The following ATRNL1 variants were observed in gnomAD, a reference collection of about 807,000 sequenced individuals.
ATRNL1 encodes the protein attractin-like protein 1.
A neutral mutation model predicts 182.7 loss-of-function variants in ATRNL1; 95 were observed. The observed-to-expected ratio is 0.52, with a 90% CI of 0.44 to 0.62. The LOEUF is 0.62. Ranked by LOEUF, ATRNL1 falls within the 20% of genes least tolerant of loss-of-function variation. The pLI is 0.00. For missense variants in ATRNL1, 1,471 were observed against 1,679.5 expected (o/e 0.88, Z 2.17); for synonymous variants, 576 against 568.3 (o/e 1.01, Z -0.19).
intron 5 of ATRNL1, among the ~76,000 whole-genome samples, chr10:115,151,252 G>C (rs1846213478): frequency 6.6e-6 from 1 of 152,142 alleles, no homozygotes; most frequent in Non-Finnish European, 1.5e-5. Context: ...TGGAATGGCT[G>C]GGTCAAATGG....
At position 115,160,111 on chromosome 10, in the gene ATRNL1, C is replaced by T. The variant is rs782330744; in HGVS notation, c.901C>T (p.Pro301Ser). 1 of 1,611,844 alleles carries T rather than the reference C, an allele frequency of 6.2e-7. No homozygotes were observed. The change falls in exon 6 of 29, where the codon CCT becomes TCT. Residue 301 changes from proline (P) to serine (S), a missense_variant. Transcript: ENST00000355044. ...WILPNVKPFS[P>S]SVGRASHKAV... ...TCTGCCAAACGTTAAACCCTTCAGT[C>T]CTTCTGTAGGTCGGGCTTCACATAA...
chr10:115,231,752 A>T (rs1347820468), intron 9 of ATRNL1, among the ~76,000 whole-genome samples: 3 of 152,148 alleles, frequency 2.0e-5, no homozygotes, highest in Non-Finnish European at 4.4e-5. Context: ...ATTTGAATAC[A>T]AATACAGGTA....
At chr10:115,368,717 T>C (rs1857215598) in intron 19 of ATRNL1, among the ~76,000 whole-genome samples, 1 of 116,442 alleles carries the variant, frequency 8.6e-6, no homozygotes, top group African/African-American at 5.9e-5. Flanking sequence ...TTCGATTCTA[T>C]TTTTTTTTTT....
At position 115,292,688 on chromosome 10, in the gene ATRNL1, A is replaced by G. The variant is rs1022908093; in HGVS notation, c.2415+6291A>G. Among the ~76,000 whole-genome samples, 9 of 151,892 alleles carry G rather than the reference A, an allele frequency of 5.9e-5. No homozygotes were observed. The East Asian group carries it at 7.7e-4, about 13-fold the overall frequency. On this transcript the variant is annotated intron_variant, in intron 15 of 28. Coordinates refer to ENST00000355044, the MANE Select transcript of ATRNL1 (RefSeq NM_207303.4). Reference sequence around the variant, plus strand: ...TGTTTTGAATGTTCCTCTTTTTACTAATGTCTAGTTTTATTCCATTGTGGT... The same window carrying G: ...TGTTTTGAATGTTCCTCTTTTTACTGATGTCTAGTTTTATTCCATTGTGGT...
chr10:115,930,357 C>T (rs1953357996), intron 28 of ATRNL1, among the ~76,000 whole-genome samples: 1 of 152,122 alleles, frequency 6.6e-6, no homozygotes, highest in Admixed American at 6.6e-5. Flanking sequence ...CAGGTCGGAT[C>T]ATAAGCCTCA....
intron 15 of ATRNL1, 141 bp from the exon 16 acceptor site, chr10:115,299,893 T>G: frequency 1.7e-6 from 1 of 579,464 alleles, no homozygotes; most frequent in South Asian, 2.5e-5. Flanking sequence ...TGTTAATTAT[T>G]CTTAGTACTA....
Position 115,160,024 on chromosome 10 carries a change from A to ATT in ATRNL1, c.830-7_830-6dup. On this transcript the variant is annotated splice_polypyrimidine_tract_variant and intron_variant, in intron 5 of 28. Transcript: ENST00000355044. ...TTTGTTTAATCTAGTGTGTTGTTTC[A>ATT]TTTTTTTTTTAATAGGTCCTGATTG... The ATT allele has an allele frequency of 1.5e-5, 21 of 1,389,480 alleles. No homozygotes were observed. Among genetic ancestry groups the ATT allele is most frequent in the South Asian group, 4.2e-5 (3 of 71,344 alleles). 86.1% of individuals were successfully genotyped at this position (1,389,480 alleles called of 1,614,324 possible).
At chr10:115,439,210 G>A (rs141149735) in intron 21 of ATRNL1, among the ~76,000 whole-genome samples, 13 of 152,022 alleles carry the variant, frequency 8.6e-5, no homozygotes, top group African/African-American at 2.6e-4. Context: ...ATGAGGAAGA[G>A]GAGGGGTTGG....
chr10:115,310,550 T>C lies in ATRNL1; in HGVS notation c.2819-4968T>C, dbSNP rs1193744857. Reference sequence around the variant, plus strand: ...GTTCAGGATTTTGATTTCTTCCTAATTTAAGCTAGGAGAGTTGTGTGTTTC... The same window carrying C: ...GTTCAGGATTTTGATTTCTTCCTAACTTAAGCTAGGAGAGTTGTGTGTTTC... On this transcript the variant is annotated intron_variant, in intron 17 of 28. Transcript: ENST00000355044. Among the ~76,000 whole-genome samples, 7 of 152,168 alleles carry C rather than the reference T, an allele frequency of 4.6e-5. No homozygotes were observed. The East Asian group carries it at 1.3e-3, about 29-fold the overall frequency.
At chr10:115,941,517 A>AT (rs1953730311) in intron 28 of ATRNL1, among the ~76,000 whole-genome samples, 1 of 152,170 alleles carries the variant, frequency 6.6e-6, no homozygotes, top group African/African-American at 2.4e-5. Flanking sequence ...GGAAAGTATT[A>AT]TTTTTTCAGA....
At chr10:115,357,798 T>G (rs1856566049) in intron 19 of ATRNL1, among the ~76,000 whole-genome samples, 1 of 151,740 alleles carries the variant, frequency 6.6e-6, no homozygotes, top group Admixed American at 6.6e-5. Flanking sequence ...CAATTTAAAA[T>G]TTTTAACTTT....
At chr10:115,422,948 T>C (rs1423438076) in intron 20 of ATRNL1, among the ~76,000 whole-genome samples, 3 of 152,202 alleles carry the variant, frequency 2.0e-5, no homozygotes, top group Non-Finnish European at 2.9e-5. Context: ...GGTGAAATTA[T>C]CTGTACCCCA....
In ATRNL1 at chr10:115,893,963, C is replaced by T. The variant is rs562211617; in HGVS notation, c.4018+45972C>T. 2.7e-5 allele frequency among the ~76,000 whole-genome samples: 4 copies of T among 149,770 alleles called. No individual in the cohort carries two copies. The South Asian group carries it at 8.5e-4, about 32-fold the overall frequency. On this transcript the variant is annotated intron_variant, in intron 28 of 28. Transcript: ENST00000355044. The stretch of plus-strand genomic sequence containing the variant: ...TCACAACTTGATATTCAAGAATGGA[C>T]CAAAAAAAAAAAATCTTAGGAAAGA...
chr10:115,359,915 A>G (rs1856660479), intron 19 of ATRNL1, among the ~76,000 whole-genome samples: 1 of 151,560 alleles, frequency 6.6e-6, no homozygotes, highest in Non-Finnish European at 1.5e-5. Context: ...TAACATATGT[A>G]TTTTATGTGA....
At chr10:115,639,150 A>G (rs1555029320) in intron 26 of ATRNL1, among the ~76,000 whole-genome samples, 1 of 152,174 alleles carries the variant, frequency 6.6e-6, no homozygotes, top group Non-Finnish European at 1.5e-5. Context: ...CTTAAAAGCA[A>G]CCAGAAACAA....
intron 26 of ATRNL1, among the ~76,000 whole-genome samples, chr10:115,638,078 T>A (rs1555028920): frequency 6.6e-6 from 1 of 152,194 alleles, no homozygotes; most frequent in Non-Finnish European, 1.5e-5. Flanking sequence ...CACTCACTAC[T>A]CACTCACTGA....
intron 7 of ATRNL1, among the ~76,000 whole-genome samples, chr10:115,169,206 C>CTT (rs781950574): frequency 1.4e-4 from 18 of 125,938 alleles, no homozygotes; most frequent in South Asian, 5.2e-4. Context: ...GTTTTGATTA[C>CTT]TTTTTTTTTT....
chr10:115,498,008 A>C (rs1849638382), intron 24 of ATRNL1, among the ~76,000 whole-genome samples: 1 of 152,184 alleles, frequency 6.6e-6, no homozygotes, highest in Non-Finnish European at 1.5e-5. Flanking sequence ...GAGTGAGTGA[A>C]AACTCATTAG....
chr10:115,460,177 T>C (rs782578985), intron 21 of ATRNL1, among the ~76,000 whole-genome samples: 3 of 152,174 alleles, frequency 2.0e-5, no homozygotes, highest in Non-Finnish European at 4.4e-5. Context: ...CTTGTCTATC[T>C]ACGAAGACAA....
Sources: allele counts gnomAD v4.1 joint callset (sites outside exome capture counted in the v4.1 genomes callset), GRCh38; gene constraint gnomAD v4.1.1; transcripts MANE v1.5; gene names NCBI Gene and HGNC (gene_info 2026-07-23, HGNC 2026-07-21).